ATL3: variants seen among roughly 807,000 people sequenced by gnomAD.
The protein encoded by ATL3 is atlastin-3.
Under a neutral mutation model 69.5 loss-of-function variants are expected in ATL3, and 49 were observed. The ratio of observed to expected loss-of-function variants is 0.71; its 90% CI spans 0.56 to 0.89. The LOEUF (loss-of-function observed/expected upper bound fraction) is 0.89. Among genes scored for constraint, ATL3 ranks in the 40% least tolerant of loss-of-function variants. The pLI, the probability that ATL3 is intolerant of heterozygous loss-of-function variation, is 0.00. For synonymous variants in ATL3, 214 were observed against 224.1 expected, an observed-to-expected ratio of 0.95 and a Z score of 0.40; for missense variants, 606 against 645.7, an observed-to-expected ratio of 0.94 and a Z score of 0.67.
At chr11:63,632,302 G>A in intron 11 of ATL3, 1 of 777,690 alleles carries the variant, frequency 1.3e-6, no homozygotes, top group Admixed American at 1.7e-5. Flanking sequence ...CTGTGCTTCT[G>A]AATACGTTGG....
chr11:63,629,307 C>T lies in ATL3; in HGVS notation c.*12G>A, dbSNP rs1939226179. On this transcript the variant is annotated 3_prime_UTR_variant, in exon 13 of 13. Coordinates refer to ENST00000398868, the MANE Select transcript of ATL3 (RefSeq NM_015459.5). Reference sequence around the variant, plus strand: ...GCTTGTTGTGTTCTTGTTTGATCTTCACGTTAAGATGCTATTGAGCTTTTT... The same window carrying T: ...GCTTGTTGTGTTCTTGTTTGATCTTTACGTTAAGATGCTATTGAGCTTTTT... 1.9e-6 allele frequency: 3 copies of T among 1,610,120 alleles called. No homozygotes were observed. The African/African-American group carries it at 4.0e-5, about 21-fold the overall frequency.
chr11:63,671,013 A>C (rs1024706467), intron 1 of ATL3, among the ~76,000 whole-genome samples: 2 of 151,980 alleles, frequency 1.3e-5, no homozygotes, highest in African/African-American at 4.8e-5. Context: ...CCAGGGGAGG[A>C]GCTGGAGGAG....
chr11:63,657,029 G>A (rs1345971055), intron 3 of ATL3, among the ~76,000 whole-genome samples: 1 of 151,742 alleles, frequency 6.6e-6, no homozygotes, highest in Non-Finnish European at 1.5e-5. Flanking sequence ...GGCCAACATT[G>A]TGAAACCCTG....
chr11:63,650,642 G>T (rs1038505194), intron 5 of ATL3: 1 of 152,100 alleles, frequency 6.6e-6, no homozygotes, highest in African/African-American at 2.4e-5. Flanking sequence ...ACTTCTTATG[G>T]GTTGAATTGT....
chr11:63,665,476 G>A (rs575616161), intron 1 of ATL3, among the ~76,000 whole-genome samples: 172 of 152,192 alleles, frequency 1.1e-3, no homozygotes, highest in African/African-American at 3.7e-3. Context: ...CCTGTAGCAC[G>A]GTACCCAAGA....
chr11:63,668,482 T>C (rs762638797), intron 1 of ATL3, among the ~76,000 whole-genome samples: 13 of 152,228 alleles, frequency 8.5e-5, no homozygotes, highest in Non-Finnish European at 1.5e-4. Flanking sequence ...TTAACCAGAA[T>C]ACTGGGCAAA....
Position 63,644,237 on chromosome 11 carries a change from A to G in ATL3, c.643T>C (p.Trp215Arg). Reference sequence around the variant, plus strand: ...TAGCTATATTCATAAGGGAAACTCCAATCTCTAACCAAAAACATCAGTGTC... The same window carrying G: ...TAGCTATATTCATAAGGGAAACTCCGATCTCTAACCAAAAACATCAGTGTC... ...FQTLMFLVRD[W>R]SFPYEYSYGL... The change falls in exon 7 of 13, where the codon TGG becomes CGG. Residue 215 changes from tryptophan to arginine, a missense_variant. Trp to Arg is a moderately radical substitution (Grantham distance 101, BLOSUM62 -3). Coordinates refer to ENST00000398868, the MANE Select transcript of ATL3 (RefSeq NM_015459.5). 6.2e-7 allele frequency: 1 copy of G among 1,608,682 alleles called. No individual in the cohort carries two copies. Among genetic ancestry groups the G allele is most frequent in the Non-Finnish European group, 8.5e-7 (1 of 1,177,294 alleles).
intron 8 of ATL3, among the ~76,000 whole-genome samples, chr11:63,636,925 T>C (rs1194052880): frequency 6.6e-6 from 1 of 152,316 alleles, no homozygotes; most frequent in East Asian, 1.9e-4. Context: ...TATCTTTACC[T>C]TGGTTTTCAT....
chr11:63,660,128 A>G (rs971004178), intron 1 of ATL3, among the ~76,000 whole-genome samples: 1 of 152,018 alleles, frequency 6.6e-6, no homozygotes, highest in African/African-American at 2.4e-5. Flanking sequence ...AAATGACAAC[A>G]CAGACTTCAT....
rs767450099 is a variant in ATL3 at position 63,625,556 on chromosome 11, ACT to A, written c.*3761_*3762del. ...CATACATACATACATACTTATCCAA[ACT>A]CACCCTATCCAAGGCACCATTTTAC... is the stretch of plus-strand genomic sequence containing the variant. On this transcript the variant is annotated 3_prime_UTR_variant, in exon 13 of 13. Transcript: ENST00000398868. 1.1e-4 allele frequency: 16 copies of A among 152,122 alleles called. No individual in the cohort carries two copies. Among genetic ancestry groups the A allele is most frequent in the South Asian group, 2.1e-4 (1 of 4,828 alleles). The allele number at this position is 152,122 out of a possible 1,614,324, so 9.4% of individuals were successfully genotyped here.
In ATL3 at chr11:63,659,255, A is replaced by G. The variant is rs1403871673; in HGVS notation, c.47-3T>C. On this transcript the variant is annotated splice_region_variant and splice_polypyrimidine_tract_variant and intron_variant, in intron 1 of 12. Coordinates refer to ENST00000398868, the MANE Select transcript of ATL3 (RefSeq NM_015459.5). The stretch of plus-strand genomic sequence containing the variant: ...CTTGCTGCTCTCCATGGCATCATCT[A>G]TGTTCATGCAGAGAAAAAAAATCAG... 2 of 1,613,060 alleles carry G rather than the reference A, an allele frequency of 1.2e-6. No individual in the cohort carries two copies. The highest frequency in any genetic ancestry group is 3.3e-5 in the Admixed American group (2 of 59,932).
intron 5 of ATL3, among the ~76,000 whole-genome samples, chr11:63,651,484 A>T (rs1940078144): frequency 6.6e-6 from 1 of 151,974 alleles, no homozygotes; most frequent in African/African-American, 2.4e-5. Flanking sequence ...ATCATTGCTG[A>T]CGACCCTCCC....
chr11:63,652,552 G>T lies in ATL3; in HGVS notation c.429C>A (p.Thr143=). 6.2e-7 allele frequency: 1 copy of T among 1,610,020 alleles called. No homozygotes were observed. The highest frequency in any genetic ancestry group is 8.5e-7 in the Non-Finnish European group (1 of 1,177,530). The change falls in exon 4 of 13, where the codon ACC becomes ACA. Residue 143 remains threonine (T), a synonymous_variant. Coordinates refer to ENST00000398868, the MANE Select transcript of ATL3 (RefSeq NM_015459.5). Reference sequence around the variant, plus strand: ...TTGACTGGCTGTCAAATGCCCCCTGGGTATCCATCAGAACAACTGCAACCT... The same window carrying T: ...TTGACTGGCTGTCAAATGCCCCCTGTGTATCCATCAGAACAACTGCAACCT... The part of the protein sequence containing the change: ...GKKVAVVLMD[T]QGAFDSQSTV...
intron 8 of ATL3, among the ~76,000 whole-genome samples, chr11:63,640,045 C>T (rs1939642610): frequency 6.6e-6 from 1 of 152,040 alleles, no homozygotes; most frequent in Non-Finnish European, 1.5e-5. Context: ...TCTCCTGCCT[C>T]AGTCACCCAA....
intron 3 of ATL3, among the ~76,000 whole-genome samples, chr11:63,657,916 G>GT (rs1347463092): frequency 2.0e-5 from 3 of 151,476 alleles, no homozygotes; most frequent in Non-Finnish European, 4.4e-5. Context: ...GAGGACAGTG[G>GT]TGTGATCTCG....
intron 1 of ATL3, among the ~76,000 whole-genome samples, chr11:63,669,441 A>T (rs1940702983): frequency 6.6e-6 from 1 of 152,024 alleles, no homozygotes; most frequent in Non-Finnish European, 1.5e-5. Flanking sequence ...AGGCTGCGGC[A>T]GGAGAATCGC....
At chr11:63,646,641 T>G in intron 5 of ATL3, 78 bp from the exon 6 acceptor site, 2 of 921,140 alleles carry the variant, frequency 2.2e-6, no homozygotes, top group Non-Finnish European at 1.7e-6. Flanking sequence ...AAAGTATTCA[T>G]TATATTTATA....
chr11:63,654,357 G>T (rs1590738055), intron 3 of ATL3, among the ~76,000 whole-genome samples: 1 of 151,906 alleles, frequency 6.6e-6, no homozygotes, highest in East Asian at 1.9e-4. Flanking sequence ...GTGTTAGCCA[G>T]GATGGTCTCG....
At chr11:63,640,707 C>A in intron 8 of ATL3, among the ~76,000 whole-genome samples, 1 of 147,132 alleles carries the variant, frequency 6.8e-6, no homozygotes, top group African/African-American at 2.5e-5. Flanking sequence ...CAGATTCAGG[C>A]GATTCTCCTG....
Sources: allele counts gnomAD v4.1 joint callset (sites outside exome capture counted in the v4.1 genomes callset), GRCh38; gene constraint gnomAD v4.1.1; transcripts MANE v1.5; gene names NCBI Gene and HGNC (gene_info 2026-07-23, HGNC 2026-07-21).